The following PCDHGB1 variants were observed in gnomAD, a reference collection of about 807,000 sequenced individuals.
PCDHGB1 encodes protocadherin gamma-B1.
In PCDHGB1, 34 loss-of-function variants were observed where a neutral mutation model predicts 56.6. The observed-to-expected ratio is 0.60, with a 90% confidence interval of 0.46 to 0.80. The LOEUF is 0.80. Ranked by LOEUF, PCDHGB1 falls within the 30% of genes least tolerant of loss-of-function variation. PCDHGB1 has a pLI of 0.00. For synonymous variants in PCDHGB1, 561 were observed against 505.9 expected, an observed-to-expected ratio of 1.11 and a Z score of -1.46; for missense variants, 1,278 against 1,204.6, an observed-to-expected ratio of 1.06 and a Z score of -0.90.
Position 141,350,534 on chromosome 5 carries a change from A to G in PCDHGB1, c.274A>G (p.Ile92Val), listed in dbSNP as rs1758496853. 6.2e-7 allele frequency: 1 copy of G among 1,614,012 alleles called. No homozygotes were observed. Among genetic ancestry groups the G allele is most frequent in the East Asian group, 2.2e-5 (1 of 44,878 alleles). The change falls in exon 1 of 4, where the codon ATT becomes GTT. Residue 92 changes from isoleucine (I) to valine (V), a missense_variant. Transcript: ENST00000523390. ...LVNGRIDREKICGRKLECALE... is the reference protein window; with the variant it reads ...LVNGRIDREKVCGRKLECALE... ...GAACGGTAGGATAGATCGAGAGAAG[A>G]TTTGCGGAAGGAAACTTGAGTGTGC...
At chr5:141,361,527 C>G in intron 1 of PCDHGB1, 1 of 1,614,060 alleles carries the variant, frequency 6.2e-7, no homozygotes, top group Non-Finnish European at 8.5e-7. Context: ...TGGCAGAGAA[C>G]AATCCTCCTG....
chr5:141,363,877 G>A (rs1763094721), intron 1 of PCDHGB1, among the ~76,000 whole-genome samples: 1 of 152,112 alleles, frequency 6.6e-6, no homozygotes. Flanking sequence ...GTAAATAAAG[G>A]ACATAGGCTC....
intron 1 of PCDHGB1, among the ~76,000 whole-genome samples, chr5:141,406,372 T>C (rs1010742441): frequency 1.3e-5 from 2 of 152,204 alleles, no homozygotes; most frequent in African/African-American, 4.8e-5. Flanking sequence ...AAGGGTAAAC[T>C]GATAAAAAGG....
chr5:141,394,868 C>G lies in PCDHGB1; in HGVS notation c.2409+42199C>G, dbSNP rs1159006718. On this transcript the variant is annotated intron_variant, in intron 1 of 3. Coordinates refer to ENST00000523390, the MANE Select transcript of PCDHGB1 (RefSeq NM_018922.3). ...GTCTGAAGCCTTCGGTCGACCCGAA[C>G]GATTCGAGCCTTACACTCTATCTCG... The G allele has an allele frequency of 1.7e-5, 27 of 1,613,710 alleles. No homozygotes were observed. In the African/African-American group the frequency reaches 1.7e-4, roughly 10 times the overall value.
Position 141,485,243 on chromosome 5 carries a change from C to A in PCDHGB1, c.2410-9564C>A. ...TACCCTTTTGTTCCTCTTTTACCACCTGGGTTACGTTTGTGGGCAGATCCG... is the reference window on the plus strand; with the variant it reads ...TACCCTTTTGTTCCTCTTTTACCACATGGGTTACGTTTGTGGGCAGATCCG... On this transcript the variant is annotated intron_variant, in intron 1 of 3. Transcript: ENST00000523390. This position sits in a 1 kb window ranked among gnomAD's most constrained non-coding sequence, Gnocchi z 5.7. 1 of 1,614,180 alleles carries A rather than the reference C, an allele frequency of 6.2e-7. No homozygotes were observed. The highest frequency in any genetic ancestry group is 8.5e-7 in the Non-Finnish European group (1 of 1,180,000).
chr5:141,453,323 G>A (rs1313870724), intron 1 of PCDHGB1, among the ~76,000 whole-genome samples: 1 of 151,482 alleles, frequency 6.6e-6, no homozygotes, highest in Non-Finnish European at 1.5e-5. Context: ...TTTAGAGATG[G>A]GGTCTCACTA....
intron 1 of PCDHGB1, chr5:141,428,040 G>A: frequency 6.2e-7 from 1 of 1,608,668 alleles, no homozygotes; most frequent in Non-Finnish European, 8.5e-7. Flanking sequence ...CGGCTACCTG[G>A]TGACCAAGGT....
rs1161979451 is a variant in PCDHGB1 at position 141,355,725 on chromosome 5, C to A, written c.2409+3056C>A. ...TGCAGGGTTACCAGCTCAACTCAAA[C>A]GGTTACTTTTCCCTGGACGTGCAAA... On this transcript the variant is annotated intron_variant, in intron 1 of 3. Transcript: ENST00000523390. The A allele has an allele frequency of 6.2e-7, 1 of 1,613,896 alleles. No individual in the cohort carries two copies. Among genetic ancestry groups the A allele is most frequent in the Non-Finnish European group, 8.5e-7 (1 of 1,179,892 alleles).
intron 2 of PCDHGB1, 47 bp from the exon 3 acceptor site, chr5:141,505,346 C>G: frequency 4.3e-6 from 7 of 1,612,970 alleles, no homozygotes; most frequent in Non-Finnish European, 5.9e-6. Context: ...GGGGCATGAG[C>G]TGTGCCGGCC....
chr5:141,430,837 C>T (rs1350348914), intron 1 of PCDHGB1: 4 of 1,559,956 alleles, frequency 2.6e-6, no homozygotes, highest in South Asian at 2.5e-5. Context: ...TGTGGGAGAC[C>T]GGATGCACCC....
Position 141,431,423 on chromosome 5 carries a change from C to A in PCDHGB1, c.2410-63384C>A, listed in dbSNP as rs868299769. 20 of 1,613,552 alleles carry A rather than the reference C, an allele frequency of 1.2e-5. No individual in the cohort carries two copies. In the Admixed American group the frequency reaches 2.2e-4, roughly 17 times the overall value. ...GGCCTCCGACGGGGGCGACCCGGTG[C>A]GCACAGGCACCGCGCGCATCCGCGT... On this transcript the variant is annotated intron_variant, in intron 1 of 3. Coordinates refer to ENST00000523390, the MANE Select transcript of PCDHGB1 (RefSeq NM_018922.3). The surrounding 1 kb of genome is among the most constrained non-coding windows in gnomAD (Gnocchi z 4.8).
At chr5:141,454,977 T>C (rs1357011192) in intron 1 of PCDHGB1, among the ~76,000 whole-genome samples, 6 of 151,508 alleles carry the variant, frequency 4.0e-5, no homozygotes, top group Non-Finnish European at 8.8e-5. Context: ...CTGGCTAATT[T>C]TTTAAAAAAT....
intron 1 of PCDHGB1, chr5:141,429,222 T>C (rs897099159): frequency 6.6e-6 from 1 of 151,494 alleles, no homozygotes; most frequent in Non-Finnish European, 1.5e-5. Context: ...AAAGTGGGTA[T>C]TATGATACTG....
In PCDHGB1 at chr5:141,366,106, A is replaced by G. The variant is rs375843095; in HGVS notation, c.2409+13437A>G. On this transcript the variant is annotated intron_variant, in intron 1 of 3. Coordinates refer to ENST00000523390, the MANE Select transcript of PCDHGB1 (RefSeq NM_018922.3). ...CTGGCTACCTGGTGACCAAGGTGGTAGCGGTGGACAAAGATTCAGGCCAGA... is the reference window on the plus strand; with the variant it reads ...CTGGCTACCTGGTGACCAAGGTGGTGGCGGTGGACAAAGATTCAGGCCAGA... 739 of 1,614,224 alleles carry G rather than the reference A, an allele frequency of 4.6e-4. No homozygotes were observed. In the Middle Eastern group the frequency reaches 5.3e-3, roughly 12 times the overall value.
intron 1 of PCDHGB1, chr5:141,393,380 C>T (rs771237283): frequency 6.2e-7 from 1 of 1,613,988 alleles, no homozygotes; most frequent in South Asian, 1.1e-5. Context: ...ACAATGGAGC[C>T]ATAAACCCAG....
chr5:141,489,208 C>A lies in PCDHGB1; in HGVS notation c.2410-5599C>A. On this transcript the variant is annotated intron_variant, in intron 1 of 3. Coordinates refer to ENST00000523390, the MANE Select transcript of PCDHGB1 (RefSeq NM_018922.3). The surrounding 1 kb of genome is among the most constrained non-coding windows in gnomAD (Gnocchi z 4.5). The stretch of plus-strand genomic sequence containing the variant: ...GGTCTACCTTGGAGACAGGACAGCA[C>A]AGACTTACTCTCCACAAAGGGACTT... 1 of 1,451,152 alleles carries A rather than the reference C, an allele frequency of 6.9e-7. No individual in the cohort carries two copies. The highest frequency in any genetic ancestry group is 9.3e-7 in the Non-Finnish European group (1 of 1,072,112). 89.9% of individuals were successfully genotyped at this position (1,451,152 alleles called of 1,614,324 possible).
intron 1 of PCDHGB1, chr5:141,384,693 A>G (rs1345115245): frequency 3.1e-6 from 5 of 1,614,042 alleles, no homozygotes; most frequent in Non-Finnish European, 4.2e-6. Context: ...ACAAAGATTC[A>G]GGCCAGAACG....
intron 1 of PCDHGB1, among the ~76,000 whole-genome samples, chr5:141,448,660 G>T (rs2098599264): frequency 6.6e-6 from 1 of 151,712 alleles, no homozygotes; most frequent in African/African-American, 2.4e-5. Context: ...TTCCATATTG[G>T]CCGGGCGCGG....
In PCDHGB1 at chr5:141,486,432, G is replaced by T; in HGVS notation, c.2410-8375G>T. On this transcript the variant is annotated intron_variant, in intron 1 of 3. Coordinates refer to ENST00000523390, the MANE Select transcript of PCDHGB1 (RefSeq NM_018922.3). This position sits in a 1 kb window ranked among gnomAD's most constrained non-coding sequence, Gnocchi z 5.0. ...CCCTTGGATCGAGAGGCCAAATCTA[G>T]CTATGACATCATGGTCACTGCTTCT... 4 of 1,614,172 alleles carry T rather than the reference G, an allele frequency of 2.5e-6. No homozygotes were observed. Among genetic ancestry groups the T allele is most frequent in the Non-Finnish European group, 2.5e-6 (3 of 1,180,020 alleles).
Sources: gnomAD v4.1 joint callset for allele counts (sites outside exome capture counted in the v4.1 genomes callset) on GRCh38, gnomAD v4.1.1 for gene constraint, Gnocchi (gnomAD v3.1) non-coding constraint, MANE v1.5 for transcripts, NCBI Gene and HGNC (gene_info 2026-07-23, HGNC 2026-07-21) for gene names.